The following CTNNA3 variants were observed in gnomAD, a reference collection of about 807,000 sequenced individuals.
The protein encoded by CTNNA3 is catenin alpha 3, also known as catenin alpha-3.
A neutral mutation model predicts 95.7 loss-of-function variants in CTNNA3; 76 were observed. That is an observed-to-expected ratio of 0.79 (90% CI 0.66 to 0.96). The LOEUF (loss-of-function observed/expected upper bound fraction) is 0.96. CTNNA3 is among the 40% of genes least tolerant of loss of function. The probability of loss-of-function intolerance (pLI) is 0.00; values close to 1 mark genes in which losing one functional copy is unlikely to be tolerated. For missense variants in CTNNA3, 1,191 were observed against 1,089.8 expected (o/e 1.09, Z -1.31); for synonymous variants, 431 against 374.4 (o/e 1.15, Z -1.74).
At chr10:67,163,558 G>C (rs1404247531) in intron 7 of CTNNA3, among the ~76,000 whole-genome samples, 2 of 151,904 alleles carry the variant, frequency 1.3e-5, no homozygotes, top group South Asian at 2.1e-4. Flanking sequence ...CCTAAAATAG[G>C]CAACAAAGCA....
chr10:66,218,592 C>T (rs1462829), intron 13 of CTNNA3, among the ~76,000 whole-genome samples: 17,544 of 152,178 alleles, frequency 0.12, 1,085 homozygotes, highest in Middle Eastern at 0.18. Context: ...TCAACTGTAA[C>T]CTTTTAAGAG....
intron 17 of CTNNA3, among the ~76,000 whole-genome samples, chr10:65,957,919 G>C (rs1015881790): frequency 6.6e-6 from 1 of 152,092 alleles, no homozygotes; most frequent in Non-Finnish European, 1.5e-5. Context: ...TCCTGAATTT[G>C]AATGTTGGCC....
intron 11 of CTNNA3, among the ~76,000 whole-genome samples, chr10:66,463,150 T>G (rs1485428685): frequency 6.6e-6 from 1 of 152,194 alleles, no homozygotes; most frequent in Non-Finnish European, 1.5e-5. Context: ...AAAAATCTCT[T>G]GTTGAAATTT....
intron 3 of CTNNA3, among the ~76,000 whole-genome samples, chr10:67,570,109 C>T (rs886573281): frequency 1.3e-5 from 2 of 151,888 alleles, no homozygotes; most frequent in South Asian, 4.2e-4. Flanking sequence ...GTTGTTTAAT[C>T]CAATTACTTT....
intron 13 of CTNNA3, among the ~76,000 whole-genome samples, chr10:66,136,805 A>G (rs1186143277): frequency 6.6e-6 from 1 of 152,102 alleles, no homozygotes; most frequent in Non-Finnish European, 1.5e-5. Context: ...TTTGCTTAAT[A>G]CTTATTATTT....
At chr10:66,038,434 C>A (rs541385236) in intron 15 of CTNNA3, among the ~76,000 whole-genome samples, 36 of 152,160 alleles carry the variant, frequency 2.4e-4, no homozygotes, top group African/African-American at 7.9e-4. Context: ...TACAGTAGAC[C>A]CCAGCAGACT....
intron 7 of CTNNA3, among the ~76,000 whole-genome samples, chr10:66,952,109 A>T (rs573479935): frequency 6.6e-6 from 1 of 152,282 alleles, no homozygotes; most frequent in East Asian, 1.9e-4. Flanking sequence ...TTCTCCCCCC[A>T]ATATTTTTAA....
intron 10 of CTNNA3, among the ~76,000 whole-genome samples, chr10:66,530,294 A>G (rs182519105): frequency 6.6e-6 from 1 of 152,248 alleles, no homozygotes; most frequent in Admixed American, 6.5e-5. Flanking sequence ...GTTGTATGTG[A>G]GGTGAATTTA....
At chr10:66,790,597 C>A (rs556827240) in intron 7 of CTNNA3, among the ~76,000 whole-genome samples, 3 of 152,174 alleles carry the variant, frequency 2.0e-5, no homozygotes, top group Non-Finnish European at 4.4e-5. Flanking sequence ...GTGCCAAGGC[C>A]TGGACTAAGT....
intron 11 of CTNNA3, among the ~76,000 whole-genome samples, chr10:66,487,181 ATTTTTTTTTTTTTTTTTTTT>A (rs60547696): frequency 4.3e-5 from 2 of 45,986 alleles, no homozygotes; most frequent in African/African-American, 9.0e-5. Context: ...AAAAGGGCAG[ATTTTTTTTTTTTTTTTTTTT>A]TTTTTTTTTT....
chr10:67,256,188 C>T lies in CTNNA3; in HGVS notation c.580-36318G>A, dbSNP rs188496211. Among the ~76,000 whole-genome samples the T allele has an allele frequency of 3.0e-3, 453 of 152,200 alleles. 6 individuals are homozygous for T. The highest frequency in any genetic ancestry group is 0.01 in the African/African-American group (428 of 41,560). On this transcript the variant is annotated intron_variant, in intron 5 of 17. Coordinates refer to ENST00000433211, the MANE Select transcript of CTNNA3 (RefSeq NM_013266.4). ...TAAACCATTAGGAAAATATTATTTG[C>T]CACACCTTTCTCTTGCCTTGCTCTT...
intron 5 of CTNNA3, among the ~76,000 whole-genome samples, chr10:67,259,019 T>C (rs961514069): frequency 1.3e-5 from 2 of 152,256 alleles, no homozygotes; most frequent in Non-Finnish European, 2.9e-5. Context: ...ATAATTGTTG[T>C]ACTATATTTT....
intron 17 of CTNNA3, among the ~76,000 whole-genome samples, chr10:65,922,976 G>T (rs533991058): frequency 6.6e-6 from 1 of 152,084 alleles, no homozygotes; most frequent in South Asian, 2.1e-4. Context: ...TAAAACCATC[G>T]ATCTCATGAG....
rs142190119 is a variant in CTNNA3, at chr10:66,661,409, G to T, written c.1282-39625C>A. 3.8e-3 allele frequency among the ~76,000 whole-genome samples: 583 copies of T among 152,176 alleles called. 2 individuals are homozygous for T. Among genetic ancestry groups the T allele is most frequent in the Middle Eastern group, 0.014 (4 of 294 alleles). On this transcript the variant is annotated intron_variant, in intron 9 of 17. Coordinates refer to ENST00000433211, the MANE Select transcript of CTNNA3 (RefSeq NM_013266.4). ...TAGCATGGGAAAGACCGCCCCCTAT[G>T]ATTCAAATCCCTCCCACAACACGTG...
At chr10:67,572,114 T>A (rs1841997711) in intron 3 of CTNNA3, among the ~76,000 whole-genome samples, 1 of 152,186 alleles carries the variant, frequency 6.6e-6, no homozygotes, top group Non-Finnish European at 1.5e-5. Flanking sequence ...AATGATATAT[T>A]TTAGATATGT....
intron 9 of CTNNA3, among the ~76,000 whole-genome samples, chr10:66,696,758 C>T (rs1847780034): frequency 7.2e-6 from 1 of 138,672 alleles, no homozygotes; most frequent in Non-Finnish European, 1.5e-5. Context: ...TAAAGTGAAA[C>T]TCTGTCTCTA....
At chr10:65,956,180 G>T (rs1404791063) in intron 17 of CTNNA3, among the ~76,000 whole-genome samples, 1 of 152,152 alleles carries the variant, frequency 6.6e-6, no homozygotes, top group Non-Finnish European at 1.5e-5. Flanking sequence ...TTGTGTAGAG[G>T]TGTTTATAGT....
chr10:67,402,194 T>A (rs1844947756), intron 5 of CTNNA3, among the ~76,000 whole-genome samples: 1 of 152,114 alleles, frequency 6.6e-6, no homozygotes, highest in Admixed American at 6.5e-5. Flanking sequence ...AGCCAAGCAA[T>A]CCAGTAAAAT....
chr10:66,221,853 G>T (rs1402112458), intron 13 of CTNNA3, among the ~76,000 whole-genome samples: 10 of 152,200 alleles, frequency 6.6e-5, no homozygotes, highest in Non-Finnish European at 1.3e-4. Context: ...TGTCAGTCAA[G>T]TATAATTTTA....
Sources: gnomAD v4.1 joint callset for allele counts (sites outside exome capture counted in the v4.1 genomes callset) on GRCh38, gnomAD v4.1.1 for gene constraint, MANE v1.5 for transcripts, NCBI Gene and HGNC (gene_info 2026-07-23, HGNC 2026-07-21) for gene names.